RRM2B: variants seen among roughly 807,000 people sequenced by gnomAD.
RRM2B encodes ribonucleoside-diphosphate reductase subunit M2 B.
Under a neutral mutation model 45.9 loss-of-function variants are expected in RRM2B, and 20 were observed. The observed-to-expected ratio is 0.44, with a 90% CI of 0.31 to 0.63. The LOEUF (loss-of-function observed/expected upper bound fraction) is 0.63, where lower values mean the gene tolerates loss of function less well. RRM2B is among the 30% of genes least tolerant of loss of function. The probability of loss-of-function intolerance (pLI) is 0.09; values close to 1 mark genes in which losing one functional copy is unlikely to be tolerated. For missense variants in RRM2B, 320 were observed against 414.7 expected (o/e 0.77, Z 1.98); for synonymous variants, 124 against 132.3 (o/e 0.94, Z 0.43).
At chr8:102,224,250 C>T (rs1389007357) in intron 4 of RRM2B, 110 bp from the exon 5 acceptor site, 8 of 706,326 alleles carry the variant, frequency 1.1e-5, no homozygotes, top group Admixed American at 4.2e-5. Flanking sequence ...GGCACGATCT[C>T]GGCTCACTGC....
chr8:102,210,709 T>C (rs1810621074), intron 8 of RRM2B, among the ~76,000 whole-genome samples: 1 of 152,130 alleles, frequency 6.6e-6, no homozygotes, highest in African/African-American at 2.4e-5. Flanking sequence ...GTGATCCACC[T>C]GCCTCAGCTT....
chr8:102,213,807 G>A (rs1223467691), intron 7 of RRM2B, among the ~76,000 whole-genome samples: 1 of 151,644 alleles, frequency 6.6e-6, no homozygotes, highest in African/African-American at 2.4e-5. Flanking sequence ...CAATAAGACA[G>A]AAAAATAGCC....
At chr8:102,232,073 T>G (rs1677501897) in intron 2 of RRM2B, 76 bp downstream of exon 2, 1 of 1,304,164 alleles carries the variant, frequency 7.7e-7, no homozygotes, top group African/African-American at 1.5e-5. Flanking sequence ...TAAGTTAAAG[T>G]TATTCAATAT....
At position 102,231,231 on chromosome 8, in the gene RRM2B, C is replaced by T. The variant is rs1219459260; in HGVS notation, c.204+918G>A. Among the ~76,000 whole-genome samples the T allele has an allele frequency of 2.6e-5, 4 of 152,310 alleles. No individual in the cohort carries two copies. The South Asian group carries it at 6.2e-4, about 24-fold the overall frequency. ...CAACCAGCAAATATTTTCTAGTTTG[C>T]TGTGTTCAACTGATCTCCCAGGTGG... On this transcript the variant is annotated intron_variant, in intron 2 of 8. Transcript: ENST00000251810.
At chr8:102,230,783 T>C (rs181884641) in intron 2 of RRM2B, among the ~76,000 whole-genome samples, 178 of 152,316 alleles carry the variant, frequency 1.2e-3, no homozygotes, top group Admixed American at 3.1e-3. Flanking sequence ...AAAATAATAG[T>C]TTACATTTAT....
intron 1 of RRM2B, among the ~76,000 whole-genome samples, chr8:102,235,059 G>A (rs1811096855): frequency 6.6e-6 from 1 of 152,102 alleles, no homozygotes; most frequent in African/African-American, 2.4e-5. Context: ...ACTCTAAGAT[G>A]TATGCTATTG....
chr8:102,232,371 A>C lies in RRM2B; in HGVS notation c.49-67T>G, dbSNP rs16869295. On this transcript the variant is annotated intron_variant, in intron 1 of 8. Transcript: ENST00000251810. ...TTCTTCTTTATTCATACCTAAACAT[A>C]CATCTAAGGAAGTCAGGGAGACGGC... 0.062 allele frequency: 93,114 copies of C among 1,492,572 alleles called. 3,106 individuals carry two copies. Among genetic ancestry groups the C allele is most frequent in the Middle Eastern group, 0.09 (444 of 4,932 alleles). 92.5% of individuals were successfully genotyped at this position (1,492,572 alleles called of 1,614,324 possible).
rs1047139014 is a variant in RRM2B at position 102,212,985 on chromosome 8, A to C, written c.790-96T>G. 1.6e-5 allele frequency: 12 copies of C among 729,594 alleles called. No individual in the cohort carries two copies. In the African/African-American group the frequency reaches 1.9e-4, roughly 12 times the overall value. The allele number at this position is 729,594 out of a possible 1,614,324, so 45.2% of individuals were successfully genotyped here. Reference sequence around the variant, plus strand: ...GACTTTCGTTTTATTTCTAAGACTGATTTTGTCCAAGGAAAGTATATTAGG... The same window carrying C: ...GACTTTCGTTTTATTTCTAAGACTGCTTTTGTCCAAGGAAAGTATATTAGG... On this transcript the variant is annotated intron_variant, in intron 7 of 8. Coordinates refer to ENST00000251810, the MANE Select transcript of RRM2B (RefSeq NM_015713.5).
rs1430793070 is a variant in RRM2B, at chr8:102,238,930, C to T, written c.-56G>A. On this transcript the variant is annotated 5_prime_UTR_variant, in exon 1 of 9. Transcript: ENST00000251810. ...GAGGGAACTGAGCTCCTCAGGCCACCTCCAACTACGACAGCACCCAGGTGG... is the reference window on the plus strand; with the variant it reads ...GAGGGAACTGAGCTCCTCAGGCCACTTCCAACTACGACAGCACCCAGGTGG... 23 of 1,581,718 alleles carry T rather than the reference C, an allele frequency of 1.5e-5. No individual in the cohort carries two copies. The highest frequency in any genetic ancestry group is 2.7e-5 in the African/African-American group (2 of 74,536).
chr8:102,209,831 A>G (rs1810605747), intron 8 of RRM2B, among the ~76,000 whole-genome samples: 1 of 152,250 alleles, frequency 6.6e-6, no homozygotes, highest in Admixed American at 6.5e-5. Flanking sequence ...ATGCTACAAC[A>G]TGAATGCACC....
In RRM2B at chr8:102,225,048, A is replaced by C. The variant is rs72554097; in HGVS notation, c.322-30T>G. The C allele has an allele frequency of 1.3e-3, 2,142 of 1,612,754 alleles. 20 individuals carry two copies. Among genetic ancestry groups the C allele is most frequent in the South Asian group, 0.013 (1,178 of 90,988 alleles). On this transcript the variant is annotated intron_variant, in intron 3 of 8. Transcript: ENST00000251810. ...GAAGATAAGGAAAATAGATATATCC[A>C]GTTCTATAGGCTCTCATTAAACACT...
intron 6 of RRM2B, among the ~76,000 whole-genome samples, chr8:102,216,331 T>TA (rs940358152): frequency 5.3e-5 from 8 of 151,930 alleles, no homozygotes; most frequent in African/African-American, 1.7e-4. Context: ...ACTTAAAGGT[T>TA]AAAAAACCAA....
chr8:102,213,507 T>G (rs1810671086), intron 7 of RRM2B, among the ~76,000 whole-genome samples: 1 of 152,204 alleles, frequency 6.6e-6, no homozygotes, highest in African/African-American at 2.4e-5. Flanking sequence ...CCTGTTAAAC[T>G]ACGCAGTGTT....
chr8:102,216,352 G>A (rs955454871), intron 6 of RRM2B, among the ~76,000 whole-genome samples: 5 of 151,990 alleles, frequency 3.3e-5, no homozygotes, highest in Non-Finnish European at 7.4e-5. Context: ...GAAAAAAAAT[G>A]TGTAATTAAT....
intron 8 of RRM2B, among the ~76,000 whole-genome samples, chr8:102,209,482 G>A (rs1014831646): frequency 6.6e-6 from 1 of 152,164 alleles, no homozygotes; most frequent in Non-Finnish European, 1.5e-5. Flanking sequence ...TAAAAAACAG[G>A]TAATAAGTGT....
At chr8:102,232,655 CATAA>C (rs1342919890) in intron 1 of RRM2B, among the ~76,000 whole-genome samples, 5 of 152,178 alleles carry the variant, frequency 3.3e-5, no homozygotes, top group African/African-American at 1.2e-4. Flanking sequence ...AAGCTAGACC[CATAA>C]ATGTCATCAT....
chr8:102,210,568 T>C lies in RRM2B; in HGVS notation c.903+2208A>G, dbSNP rs189149496. The stretch of plus-strand genomic sequence containing the variant: ...ACCTCTGCCTCCTGGGTTCAAGCGA[T>C]TCTCTCGCCTCAGCCTCCCGAGTAG... On this transcript the variant is annotated intron_variant, in intron 8 of 8. Coordinates refer to ENST00000251810, the MANE Select transcript of RRM2B (RefSeq NM_015713.5). 2.7e-3 allele frequency among the ~76,000 whole-genome samples: 407 copies of C among 152,124 alleles called. 1 individual carries two copies. Among genetic ancestry groups the C allele is most frequent in the African/African-American group, 9.0e-3 (373 of 41,468 alleles).
At chr8:102,238,663 G>T (rs777054200) in intron 1 of RRM2B, 164 bp downstream of exon 1, 3 of 1,538,166 alleles carry the variant, frequency 2.0e-6, no homozygotes, top group South Asian at 2.4e-5. Context: ...CCCCGGGGAC[G>T]GCCTCCCCGG....
In RRM2B at chr8:102,224,063, T is replaced by C; in HGVS notation, c.533A>G (p.Asp178Gly). The C allele has an allele frequency of 6.2e-7, 1 of 1,612,386 alleles. No homozygotes were observed. The highest frequency in any genetic ancestry group is 8.5e-7 in the Non-Finnish European group (1 of 1,178,430). The change falls in exon 5 of 9, where the codon GAT (aspartate) becomes GGT (glycine). Residue 178 changes from aspartate to glycine, a missense_variant. By Grantham distance (94) the Asp-to-Gly change is moderately conservative. This residue lies in a region of RRM2B where 225 missense variants were observed against 289.4 expected (regional missense o/e 0.78). Coordinates refer to ENST00000251810, the MANE Select transcript of RRM2B (RefSeq NM_015713.5). Reference sequence around the variant, plus strand: ...CCACATACCAAAAGTAGATTTTCTATCTGCTATCCATCGCAAGGCCCAATC... The same window carrying C: ...CCACATACCAAAAGTAGATTTTCTACCTGCTATCCATCGCAAGGCCCAATC... ...KADWALRWIA[D>G]RKSTFGERVV...
Sources: gnomAD v4.1 joint callset for allele counts (sites outside exome capture counted in the v4.1 genomes callset) on GRCh38, gnomAD v4.1.1 for gene constraint, gnomAD v4.1.1 regional missense constraint, MANE v1.5 for transcripts, NCBI Gene and HGNC (gene_info 2026-07-23, HGNC 2026-07-21) for gene names.